LPIN2: variants seen among roughly 807,000 people sequenced by gnomAD.
The protein encoded by LPIN2 is lipin 2.
LPIN2 carries 55 observed loss-of-function variants against 111.4 expected under a neutral mutation model. The observed-to-expected ratio is 0.49, with a 90% CI of 0.40 to 0.62. LPIN2 has a LOEUF of 0.62. Among genes scored for constraint, LPIN2 ranks in the 20% least tolerant of loss-of-function variants. The pLI is 0.00. For synonymous variants in LPIN2, 425 were observed against 414.0 expected, an observed-to-expected ratio of 1.03 and a Z score of -0.32; for missense variants, 992 against 1,112.1, an observed-to-expected ratio of 0.89 and a Z score of 1.54.
In LPIN2 at chr18:2,937,790, G is replaced by C; in HGVS notation, c.1070C>G (p.Ser357Cys). 1 of 1,614,156 alleles carries C rather than the reference G, an allele frequency of 6.2e-7. No individual in the cohort carries two copies. Among genetic ancestry groups the C allele is most frequent in the Non-Finnish European group, 8.5e-7 (1 of 1,180,030 alleles). ...GGGAAGGTGGTCAGCATCTAACATA[G>C]ATGAAATCTGAGTACTCTCAAGAGG... is the stretch of plus-strand genomic sequence containing the variant. The part of the protein sequence containing the change: ...EPPLESTQIS[S>C]MLDADHLPNA... The change falls in exon 7 of 20, where the codon TCT becomes TGT. Residue 357 changes from serine to cysteine, a missense_variant. This residue lies in a region of LPIN2 where 709 missense variants were observed against 753.2 expected (regional missense o/e 0.94). Transcript: ENST00000677752.
At chr18:3,002,259 C>CAAAAAAAAAAAAAAAAAAAAAAAG (rs1462263665) in intron 1 of LPIN2, among the ~76,000 whole-genome samples, 1 of 130,246 alleles carries the variant, frequency 7.7e-6, no homozygotes, top group Non-Finnish European at 1.6e-5. Context: ...AAAAAAAAAA[C>CAAAAAAAAAAAAAAAAAAAAAAAG]CCACCATAAC....
At chr18:2,983,383 G>T (rs528448840) in intron 1 of LPIN2, among the ~76,000 whole-genome samples, 23 of 152,248 alleles carry the variant, frequency 1.5e-4, no homozygotes, top group African/African-American at 5.3e-4. Flanking sequence ...TTAATTTCAA[G>T]AATATGATAA....
chr18:2,971,659 G>C (rs915021870), intron 1 of LPIN2, among the ~76,000 whole-genome samples: 5 of 151,992 alleles, frequency 3.3e-5, no homozygotes, highest in Non-Finnish European at 7.4e-5. Flanking sequence ...AGCAAGGAGA[G>C]GGAGAAATAT....
chr18:3,011,461 G>C (rs2078601879), intron 1 of LPIN2, among the ~76,000 whole-genome samples: 1 of 152,096 alleles, frequency 6.6e-6, no homozygotes. Flanking sequence ...GAGGGGGGCG[G>C]ATCACCTGAG....
chr18:2,961,169 G>A (rs1481376871), intron 1 of LPIN2, among the ~76,000 whole-genome samples: 1 of 152,104 alleles, frequency 6.6e-6, no homozygotes, highest in African/African-American at 2.4e-5. Flanking sequence ...GATCAGCACA[G>A]AATCACCAAA....
chr18:2,947,766 C>T (rs1011545889), intron 4 of LPIN2, among the ~76,000 whole-genome samples: 12 of 152,170 alleles, frequency 7.9e-5, no homozygotes, highest in African/African-American at 2.2e-4. Context: ...CTGCAAATTC[C>T]GCAACGCCAC....
chr18:2,947,916 G>C (rs559113103), intron 4 of LPIN2, among the ~76,000 whole-genome samples: 1 of 152,222 alleles, frequency 6.6e-6, no homozygotes, highest in South Asian at 2.1e-4. Flanking sequence ...GTGCTGAGCT[G>C]AAAGGGGCCT....
At chr18:2,963,100 C>T (rs1199932781) in intron 1 of LPIN2, among the ~76,000 whole-genome samples, 1 of 152,124 alleles carries the variant, frequency 6.6e-6, no homozygotes, top group African/African-American at 2.4e-5. Flanking sequence ...TTTCTCTTGA[C>T]AGATAATGAA....
At chr18:2,985,806 T>C (rs911072451) in intron 1 of LPIN2, among the ~76,000 whole-genome samples, 7 of 152,176 alleles carry the variant, frequency 4.6e-5, no homozygotes, top group South Asian at 2.1e-4. Flanking sequence ...ATGAAAATAA[T>C]TGTACTCCCC....
At chr18:2,969,137 A>T (rs1307128864) in intron 1 of LPIN2, among the ~76,000 whole-genome samples, 2 of 152,344 alleles carry the variant, frequency 1.3e-5, no homozygotes, top group African/African-American at 2.4e-5. Context: ...GGGTGGTTTT[A>T]AAAAATGCAA....
At position 2,951,204 on chromosome 18, in the gene LPIN2, A is replaced by G; in HGVS notation, c.441T>C (p.Phe147=). ...ISHVLETETI[F]TPSSVKKKKR... is the part of the protein sequence containing the mutation. The stretch of plus-strand genomic sequence containing the variant: ...TTTTCTTTTTCACAGAACTTGGAGT[A>G]AAAATTGTCTCTGTTTCCAAGACGT... Residue 147 remains phenylalanine (F), a synonymous_variant, in exon 4 of 20, where the codon TTT becomes TTC. Coordinates refer to ENST00000677752, the MANE Select transcript of LPIN2 (RefSeq NM_001375808.2). 1 of 1,614,128 alleles carries G rather than the reference A, an allele frequency of 6.2e-7. No individual in the cohort carries two copies.
chr18:2,920,271 G>A lies in LPIN2; in HGVS notation c.*22C>T, dbSNP rs757680132. 2.5e-6 allele frequency: 4 copies of A among 1,613,792 alleles called. No homozygotes were observed. The highest frequency in any genetic ancestry group is 2.7e-5 in the African/African-American group (2 of 74,918). ...GCTGTGGGGAGGGGGACCAAGCCCT[G>A]CCCACCCACTGAGGTGCCGCCTCAA... On this transcript the variant is annotated 3_prime_UTR_variant, in exon 20 of 20. Transcript: ENST00000677752.
rs545426154 is a variant in LPIN2 at position 3,008,335 on chromosome 18, G to A, written c.-10+4752C>T. On this transcript the variant is annotated intron_variant, in intron 1 of 19. Coordinates refer to ENST00000677752, the MANE Select transcript of LPIN2 (RefSeq NM_001375808.2). Reference sequence around the variant, plus strand: ...CACCTCCCTGTGGTCCCAGCTACTCGGGAGTCCGAGGTGGGAGGATCGCTT... The same window carrying A: ...CACCTCCCTGTGGTCCCAGCTACTCAGGAGTCCGAGGTGGGAGGATCGCTT... Among the ~76,000 whole-genome samples the A allele has an allele frequency of 1.8e-3, 267 of 152,310 alleles. 1 individual carries two copies. The highest frequency in any genetic ancestry group is 1.6e-3 in the Non-Finnish European group (106 of 68,022).
In LPIN2 at chr18:2,937,764, T is replaced by A; in HGVS notation, c.1096A>T (p.Asn366Tyr). ...SSMLDADHLP[N>Y]AALAEAPSES... Reference sequence around the variant, plus strand: ...GAGGGCGCCTCCGCTAAGGCTGCGTTGGGAAGGTGGTCAGCATCTAACATA... The same window carrying A: ...GAGGGCGCCTCCGCTAAGGCTGCGTAGGGAAGGTGGTCAGCATCTAACATA... The change falls in exon 7 of 20, where the codon AAC (asparagine) becomes TAC (tyrosine). Residue 366 changes from asparagine (N) to tyrosine (Y), a missense_variant. Asn to Tyr is a moderately radical substitution (Grantham distance 143, BLOSUM62 -2). This residue lies in a region of LPIN2 where 709 missense variants were observed against 753.2 expected (regional missense o/e 0.94). Transcript: ENST00000677752. 1 of 1,614,064 alleles carries A rather than the reference T, an allele frequency of 6.2e-7. No individual in the cohort carries two copies. Among genetic ancestry groups the A allele is most frequent in the Non-Finnish European group, 8.5e-7 (1 of 1,179,986 alleles).
intron 1 of LPIN2, among the ~76,000 whole-genome samples, chr18:3,000,940 AG>A (rs1376643525): frequency 2.3e-5 from 3 of 127,820 alleles, no homozygotes; most frequent in South Asian, 5.9e-4. Context: ...AAAAATGGGT[AG>A]GGGGGAAAGG....
Position 2,927,733 on chromosome 18 carries a change from T to C in LPIN2, c.1699A>G (p.Met567Val), listed in dbSNP as rs1269871789. The change falls in exon 12 of 20, where the codon ATG (methionine) becomes GTG (valine). Residue 567 changes from methionine to valine, a missense_variant. Physicochemically the swap from Met to Val is conservative, Grantham distance 21 (BLOSUM62 1). Coordinates refer to ENST00000677752, the MANE Select transcript of LPIN2 (RefSeq NM_001375808.2). ...TCTAGGTCTGTTACCTGTTTGGTCA[T>C]GCTTTCTCTCTTTCGCCAAAACCAC... ...RWWFWRKRES[M>V]TKQLPESKEG... 4 of 1,614,208 alleles carry C rather than the reference T, an allele frequency of 2.5e-6. No homozygotes were observed. The highest frequency in any genetic ancestry group is 2.2e-5 in the South Asian group (2 of 91,088).
intron 11 of LPIN2, among the ~76,000 whole-genome samples, chr18:2,928,031 T>A (rs1160016239): frequency 6.6e-6 from 1 of 152,126 alleles, no homozygotes; most frequent in Non-Finnish European, 1.5e-5. Flanking sequence ...GACCAGGCGG[T>A]CTGCTATGTA....
intron 1 of LPIN2, among the ~76,000 whole-genome samples, chr18:2,991,358 T>C (rs889659980): frequency 2.0e-5 from 3 of 152,208 alleles, no homozygotes; most frequent in Admixed American, 6.5e-5. Context: ...GAAACACTTG[T>C]GCACTGTTGG....
intron 1 of LPIN2, chr18:2,982,830 C>G: frequency 1.3e-6 from 1 of 755,338 alleles, no homozygotes; most frequent in South Asian, 1.5e-5. Flanking sequence ...AAACAGAAAG[C>G]TGCTCTCTTG....
Sources: allele counts gnomAD v4.1 joint callset (sites outside exome capture counted in the v4.1 genomes callset), GRCh38; gene constraint gnomAD v4.1.1; regional missense constraint gnomAD v4.1.1; transcripts MANE v1.5; gene names NCBI Gene and HGNC (gene_info 2026-07-23, HGNC 2026-07-21).